Variants in RAPGEF6 observed in about 807,000 individuals in gnomAD.
RAPGEF6 encodes PDZ domain containing guanine nucleotide exchange factor (GEF) 2.
In RAPGEF6, 56 loss-of-function variants were observed where a neutral mutation model predicts 171.4. That is an observed-to-expected ratio of 0.33 (90% CI 0.26 to 0.41). The LOEUF (loss-of-function observed/expected upper bound fraction) is 0.41, where lower values mean the gene tolerates loss of function less well. RAPGEF6 is among the 10% of genes least tolerant of loss of function. The probability of loss-of-function intolerance (pLI) is 1.00; values close to 1 mark genes in which losing one functional copy is unlikely to be tolerated. For missense variants in RAPGEF6, 1,674 were observed against 1,921.4 expected (o/e 0.87, Z 2.41); for synonymous variants, 692 against 650.1 (o/e 1.06, Z -0.98).
intron 6 of RAPGEF6, among the ~76,000 whole-genome samples, chr5:131,528,313 T>TA (rs1251388931): frequency 1.5e-3 from 71 of 48,830 alleles, no homozygotes; most frequent in African/African-American, 2.6e-3. Context: ...TATATTTATA[T>TA]TATATATATA....
intron 6 of RAPGEF6, among the ~76,000 whole-genome samples, chr5:131,537,259 C>A (rs1759834917): frequency 6.6e-6 from 1 of 152,120 alleles, no homozygotes; most frequent in Non-Finnish European, 1.5e-5. Flanking sequence ...GTTCCCTGGG[C>A]AAATCTGTCT....
chr5:131,552,561 A>G (rs555889792), intron 5 of RAPGEF6, among the ~76,000 whole-genome samples: 9 of 152,002 alleles, frequency 5.9e-5, no homozygotes, highest in East Asian at 1.9e-4. Context: ...CCCAGGTTCA[A>G]GTGATTCTCC....
intron 5 of RAPGEF6, among the ~76,000 whole-genome samples, chr5:131,548,747 T>A (rs1760716140): frequency 6.6e-6 from 1 of 152,202 alleles, no homozygotes; most frequent in Non-Finnish European, 1.5e-5. Context: ...TATTAAGTAG[T>A]TAGTTCACAC....
chr5:131,616,465 C>T (rs918917543), intron 1 of RAPGEF6, among the ~76,000 whole-genome samples: 3 of 152,128 alleles, frequency 2.0e-5, no homozygotes, highest in East Asian at 3.8e-4. Context: ...GTGCTGCTCT[C>T]GGAAACTCCA....
intron 3 of RAPGEF6, among the ~76,000 whole-genome samples, chr5:131,602,514 G>A (rs988333345): frequency 5.9e-5 from 9 of 152,106 alleles, no homozygotes; most frequent in African/African-American, 1.7e-4. Context: ...TAATTCCAGC[G>A]CTTTGGGAGG....
At chr5:131,573,652 C>G (rs996437259) in intron 4 of RAPGEF6, among the ~76,000 whole-genome samples, 2 of 152,004 alleles carry the variant, frequency 1.3e-5, no homozygotes, top group African/African-American at 4.8e-5. Context: ...AGACGGACTC[C>G]CCAGGTATAG....
rs368467427 is a variant in RAPGEF6 at position 131,594,340 on chromosome 5, T to C, written c.198-1874A>G. Among the ~76,000 whole-genome samples the C allele has an allele frequency of 1.6e-3, 250 of 152,376 alleles. 11 individuals carry two copies. In the South Asian group the frequency reaches 0.051, roughly 31 times the overall value. ...AAGCCTTGGCGGCTTCCACATGGTG[T>C]TGGGCCTGCGGGTACGCAGAGGTCA... On this transcript the variant is annotated intron_variant, in intron 3 of 27. Transcript: ENST00000509018.
intron 14 of RAPGEF6, among the ~76,000 whole-genome samples, chr5:131,490,773 C>G (rs1370230313): frequency 1.3e-5 from 2 of 152,026 alleles, no homozygotes; most frequent in African/African-American, 4.8e-5. Context: ...AAAAGAAGTA[C>G]CAAAGACAAC....
At chr5:131,505,568 G>T in intron 9 of RAPGEF6, 46 bp from the exon 10 acceptor site, 2 of 1,515,472 alleles carry the variant, frequency 1.3e-6, no homozygotes, top group South Asian at 1.2e-5. Flanking sequence ...AAAAAAGGTA[G>T]TTACATGTTA....
chr5:131,567,851 T>G (rs918757631), intron 4 of RAPGEF6, among the ~76,000 whole-genome samples: 1 of 152,224 alleles, frequency 6.6e-6, no homozygotes, highest in African/African-American at 2.4e-5. Context: ...TCTGTCAGTT[T>G]TTACTTCATA....
chr5:131,527,871 C>T lies in RAPGEF6; in HGVS notation c.496-6350G>A, dbSNP rs991660833. Among the ~76,000 whole-genome samples, 29 of 151,012 alleles carry T rather than the reference C, an allele frequency of 1.9e-4. No homozygotes were observed. In the South Asian group the frequency reaches 2.9e-3, roughly 15 times the overall value. ...TCTACTAAAAATACAAAAAATTAGCCGGGCATGGTGGCGGGTGCCTGTAGT... is the reference window on the plus strand; with the variant it reads ...TCTACTAAAAATACAAAAAATTAGCTGGGCATGGTGGCGGGTGCCTGTAGT... On this transcript the variant is annotated intron_variant, in intron 6 of 27. Coordinates refer to ENST00000509018, the MANE Select transcript of RAPGEF6 (RefSeq NM_016340.6).
intron 15 of RAPGEF6, among the ~76,000 whole-genome samples, chr5:131,480,935 T>C (rs1755434272): frequency 6.6e-6 from 1 of 152,008 alleles, no homozygotes; most frequent in Admixed American, 6.6e-5. Context: ...CTGCTTTTTT[T>C]TTTTTTTAAT....
At chr5:131,598,039 G>T (rs578137783) in intron 3 of RAPGEF6, among the ~76,000 whole-genome samples, 6 of 152,176 alleles carry the variant, frequency 3.9e-5, no homozygotes, top group Admixed American at 3.9e-4. Context: ...TGCTGGAAAT[G>T]AGACCAAATA....
Position 131,495,600 on chromosome 5 carries a change from C to T in RAPGEF6, c.1480G>A (p.Ala494Thr). ...AATTCCTCTAGAAATCGAGTCATAG[C>T]AGGGTCACCTTCAAAATCATTAAAA... ...NHFNDFEGDPAMTRFLEEFEK... is the reference protein window; with the variant it reads ...NHFNDFEGDPTMTRFLEEFEK... The change falls in exon 13 of 28, where the codon GCT becomes ACT. Residue 494 changes from alanine to threonine, a missense_variant. Transcript: ENST00000509018. The T allele has an allele frequency of 1.9e-6, 3 of 1,613,762 alleles. No individual in the cohort carries two copies. Among genetic ancestry groups the T allele is most frequent in the Non-Finnish European group, 1.7e-6 (2 of 1,179,834 alleles).
At chr5:131,434,776 A>C (rs1365119297) in intron 24 of RAPGEF6, among the ~76,000 whole-genome samples, 5 of 152,256 alleles carry the variant, frequency 3.3e-5, no homozygotes, top group Non-Finnish European at 5.9e-5. Flanking sequence ...CCAAAAACAA[A>C]TCTGCAACAG....
rs187579935 is a variant in RAPGEF6 at position 131,523,463 on chromosome 5, A to G, written c.496-1942T>C. On this transcript the variant is annotated intron_variant, in intron 6 of 27. Coordinates refer to ENST00000509018, the MANE Select transcript of RAPGEF6 (RefSeq NM_016340.6). ...GCAAAGAAAGAAAAATAATTAAATG[A>G]AAAATCTAGAACTAAAATATACAAT... 5.0e-4 allele frequency among the ~76,000 whole-genome samples: 76 copies of G among 152,086 alleles called. No individual in the cohort carries two copies. The Middle Eastern group carries it at 0.01, about 20-fold the overall frequency.
intron 25 of RAPGEF6, among the ~76,000 whole-genome samples, chr5:131,432,913 T>G (rs908390571): frequency 1.3e-5 from 2 of 152,184 alleles, no homozygotes; most frequent in Non-Finnish European, 2.9e-5. Context: ...AGAATAAACT[T>G]TCTCAAAGAT....
chr5:131,563,288 TAATA>T (rs1336656125), intron 4 of RAPGEF6, among the ~76,000 whole-genome samples: 1 of 151,968 alleles, frequency 6.6e-6, no homozygotes, highest in Non-Finnish European at 1.5e-5. Flanking sequence ...AAAAAACATC[TAATA>T]AATAAATAAG....
intron 15 of RAPGEF6, 29 bp downstream of exon 15, chr5:131,489,517 G>A (rs201597289): frequency 1.5e-5 from 20 of 1,327,532 alleles, no homozygotes; most frequent in Middle Eastern, 1.8e-4. Context: ...AGAAGAAAGA[G>A]TTCAGGCAAT....
Sources: gnomAD v4.1 joint callset for allele counts (sites outside exome capture counted in the v4.1 genomes callset) on GRCh38, gnomAD v4.1.1 for gene constraint, MANE v1.5 for transcripts, NCBI Gene and HGNC (gene_info 2026-07-23, HGNC 2026-07-21) for gene names.